Variants in COL4A1 observed in about 807,000 individuals in gnomAD.
The protein encoded by COL4A1 is collagen alpha-1(IV) chain.
In COL4A1, 40 loss-of-function variants were observed where a neutral mutation model predicts 216.6. That is an observed-to-expected ratio of 0.18 (90% CI 0.14 to 0.24). COL4A1 has a LOEUF of 0.24. Among genes scored for constraint, COL4A1 ranks in the 10% least tolerant of loss-of-function variants. COL4A1 has a pLI of 1.00. For missense variants in COL4A1, 1,628 were observed against 2,196.8 expected, an observed-to-expected ratio of 0.74 and a Z score of 5.18; for synonymous variants, 839 against 810.7, an observed-to-expected ratio of 1.03 and a Z score of -0.59.
Position 110,177,021 on chromosome 13 carries a change from C to T in COL4A1, c.2733G>A (p.Pro911=), listed in dbSNP as rs756513346. 33 of 1,613,866 alleles carry T rather than the reference C, an allele frequency of 2.0e-5. No individual in the cohort carries two copies. Among genetic ancestry groups the T allele is most frequent in the South Asian group, 5.5e-5 (5 of 91,086 alleles). The part of the protein sequence containing the change: ...LPGEKGDHGF[P]GSSGPRGDPG... ...GGTCTCCCCTGGGTCCTGAGGAGCC[C>T]GGAAAGCCATGGTCCCCTGCAGAGG... The change falls in exon 34 of 52, where the codon CCG becomes CCA. Residue 911 remains proline, a synonymous_variant. Coordinates refer to ENST00000375820, the MANE Select transcript of COL4A1 (RefSeq NM_001845.6).
chr13:110,292,494 A>G (rs887815274), intron 1 of COL4A1, among the ~76,000 whole-genome samples: 4 of 152,204 alleles, frequency 2.6e-5, no homozygotes, highest in African/African-American at 9.7e-5. Flanking sequence ...TGCTATAAAG[A>G]TACTCCTTGA....
At chr13:110,306,770 C>A (rs1420671078) in intron 1 of COL4A1, among the ~76,000 whole-genome samples, 174 bp downstream of exon 1, 2 of 152,234 alleles carry the variant, frequency 1.3e-5, no homozygotes, top group Non-Finnish European at 2.9e-5. Flanking sequence ...TCCACCAATG[C>A]GCGATCGTAG....
intron 1 of COL4A1, among the ~76,000 whole-genome samples, chr13:110,291,863 A>G (rs927641052): frequency 6.6e-6 from 1 of 152,130 alleles, no homozygotes; most frequent in African/African-American, 2.4e-5. Flanking sequence ...TTGACAACCA[A>G]TTAGTCAATC....
chr13:110,282,302 T>C (rs954895782), intron 1 of COL4A1, among the ~76,000 whole-genome samples: 1 of 152,174 alleles, frequency 6.6e-6, no homozygotes, highest in Admixed American at 6.5e-5. Context: ...ACACTGTCAT[T>C]GCGCAGACTG....
At chr13:110,221,659 G>T (rs184686458) in intron 2 of COL4A1, among the ~76,000 whole-genome samples, 41 of 152,360 alleles carry the variant, frequency 2.7e-4, no homozygotes, top group African/African-American at 7.0e-4. Context: ...GTGAGCAGCA[G>T]CAAAGGTCTC....
intron 17 of COL4A1, 149 bp from the exon 18 acceptor site, chr13:110,203,756 C>T (rs572763830): frequency 6.1e-6 from 5 of 819,552 alleles, no homozygotes; most frequent in Middle Eastern, 2.5e-4. Context: ...CATTCTGTGA[C>T]GATTACAACA....
At chr13:110,193,448 G>A (rs1282248138) in intron 22 of COL4A1, among the ~76,000 whole-genome samples, 1 of 152,240 alleles carries the variant, frequency 6.6e-6, no homozygotes, top group Non-Finnish European at 1.5e-5. Context: ...GAGAGGAGAT[G>A]CTCTTCTTTG....
In COL4A1 at chr13:110,207,101, GC is replaced by G. The variant is rs1394291340; in HGVS notation, c.781-211del. Among the ~76,000 whole-genome samples, 2 of 151,546 alleles carry G rather than the reference GC, an allele frequency of 1.3e-5. No homozygotes were observed. The highest frequency in any genetic ancestry group is 2.9e-5 in the Non-Finnish European group (2 of 67,924). The stretch of plus-strand genomic sequence containing the variant: ...TGCTTGACCCATGATGACTGGCCCT[GC>G]CCCCCTCCTGCCCCCCAGCCCAGCT... On this transcript the variant is annotated intron_variant, in intron 13 of 51. Coordinates refer to ENST00000375820, the MANE Select transcript of COL4A1 (RefSeq NM_001845.6). The surrounding 1 kb of genome is among the most constrained non-coding windows in gnomAD (Gnocchi z 4.4).
At chr13:110,305,518 A>C (rs1303616156) in intron 1 of COL4A1, among the ~76,000 whole-genome samples, 1 of 152,240 alleles carries the variant, frequency 6.6e-6, no homozygotes, top group African/African-American at 2.4e-5. Context: ...CCTTACCATC[A>C]TCAGGCTTCA....
chr13:110,184,220 T>C (rs1448214489), intron 26 of COL4A1, among the ~76,000 whole-genome samples: 1 of 152,120 alleles, frequency 6.6e-6, no homozygotes, highest in East Asian at 1.9e-4. Context: ...ACAGCCCTGT[T>C]CCCCCTCCCC....
At chr13:110,230,954 C>T (rs1053528813) in intron 2 of COL4A1, among the ~76,000 whole-genome samples, 1 of 152,214 alleles carries the variant, frequency 6.6e-6, no homozygotes, top group African/African-American at 2.4e-5. Flanking sequence ...CACCCAGCCC[C>T]TCCTCCCAAT....
At chr13:110,213,315 T>G (rs1879909053) in intron 4 of COL4A1, among the ~76,000 whole-genome samples, 1 of 152,214 alleles carries the variant, frequency 6.6e-6, no homozygotes, top group South Asian at 2.1e-4. Flanking sequence ...TGCTGATCCC[T>G]TCAAACATAA....
At chr13:110,289,807 G>C (rs1006985166) in intron 1 of COL4A1, among the ~76,000 whole-genome samples, 4 of 152,212 alleles carry the variant, frequency 2.6e-5, no homozygotes, top group Admixed American at 6.5e-5. Flanking sequence ...ATCCCAGGCT[G>C]CTCCTCAAGG....
At chr13:110,201,604 T>C in intron 18 of COL4A1, 82 bp from the exon 19 acceptor site, 1 of 1,151,274 alleles carries the variant, frequency 8.7e-7, no homozygotes, top group Admixed American at 1.7e-5. Context: ...AGTGAAGAAA[T>C]GTACATATTT....
At chr13:110,222,615 T>TA (rs1880546427) in intron 2 of COL4A1, among the ~76,000 whole-genome samples, 1 of 145,492 alleles carries the variant, frequency 6.9e-6, no homozygotes, top group African/African-American at 2.5e-5. Flanking sequence ...CTACTAAAAA[T>TA]ACAAAAAATT....
intron 1 of COL4A1, among the ~76,000 whole-genome samples, chr13:110,248,857 G>C (rs1166793234): frequency 6.6e-6 from 1 of 152,206 alleles, no homozygotes; most frequent in Non-Finnish European, 1.5e-5. Context: ...GTGAATAAAA[G>C]ATAACCACAC....
chr13:110,195,768 C>T (rs1427004382), intron 21 of COL4A1, among the ~76,000 whole-genome samples: 1 of 152,226 alleles, frequency 6.6e-6, no homozygotes, highest in African/African-American at 2.4e-5. Context: ...GTTTATATTT[C>T]CTTCCCCAAG....
chr13:110,277,454 C>T (rs774042249), intron 1 of COL4A1, among the ~76,000 whole-genome samples: 1 of 152,166 alleles, frequency 6.6e-6, no homozygotes, highest in Non-Finnish European at 1.5e-5. Context: ...ATCCCTCCTG[C>T]AAAGGTACTA....
intron 2 of COL4A1, among the ~76,000 whole-genome samples, chr13:110,236,814 T>C (rs760434943): frequency 5.3e-5 from 8 of 152,054 alleles, no homozygotes; most frequent in Admixed American, 1.3e-4. Flanking sequence ...CTTAGAGAGG[T>C]TTTATTCCTA....
Sources: allele counts gnomAD v4.1 joint callset (sites outside exome capture counted in the v4.1 genomes callset), GRCh38; gene constraint gnomAD v4.1.1; non-coding constraint Gnocchi (gnomAD v3.1); transcripts MANE v1.5; gene names NCBI Gene and HGNC (gene_info 2026-07-23, HGNC 2026-07-21).